INSYN2A: variants seen among roughly 807,000 people sequenced by gnomAD.
INSYN2A encodes inhibitory synaptic factor 2A.
Under a neutral mutation model 39.4 loss-of-function variants are expected in INSYN2A, and 17 were observed. The observed-to-expected ratio is 0.43, with a 90% CI of 0.30 to 0.65. The LOEUF (loss-of-function observed/expected upper bound fraction) is 0.65. Among genes scored for constraint, INSYN2A ranks in the 30% least tolerant of loss-of-function variants. INSYN2A has a pLI of 0.14. For missense variants in INSYN2A, 595 were observed against 631.2 expected (o/e 0.94, Z 0.61); for synonymous variants, 255 against 265.7 (o/e 0.96, Z 0.39).
At chr10:127,183,356 C>A (rs994271095) in intron 2 of INSYN2A, among the ~76,000 whole-genome samples, 2 of 152,138 alleles carry the variant, frequency 1.3e-5, no homozygotes, top group Non-Finnish European at 2.9e-5. Context: ...ACTCGACCAT[C>A]AGAATGGATC....
chr10:127,186,735 C>T (rs1192429100), intron 2 of INSYN2A, among the ~76,000 whole-genome samples: 1 of 152,018 alleles, frequency 6.6e-6, no homozygotes, highest in East Asian at 1.9e-4. Flanking sequence ...TTAGGAATCT[C>T]ATGCCACACT....
At chr10:127,179,990 G>A (rs1023269) in intron 2 of INSYN2A, among the ~76,000 whole-genome samples, 1 of 152,154 alleles carries the variant, frequency 6.6e-6, no homozygotes, top group Non-Finnish European at 1.5e-5. Context: ...ACACGATTTT[G>A]GGATTTTTTG....
chr10:127,164,112 C>G (rs189493855), intron 4 of INSYN2A, among the ~76,000 whole-genome samples: 296 of 146,640 alleles, frequency 2.0e-3, no homozygotes, highest in African/African-American at 6.8e-3. Flanking sequence ...CGGGCTCCCT[C>G]TCCTCTCTTT....
rs565534599 is a variant in INSYN2A at position 127,190,197 on chromosome 10, C to T, written c.-269+2408G>A. 3.3e-5 allele frequency among the ~76,000 whole-genome samples: 5 copies of T among 152,302 alleles called. No individual in the cohort carries two copies. The South Asian group carries it at 1.0e-3, about 32-fold the overall frequency. ...AACTTCTACCCAACTGAATTTTCAC[C>T]AAAGGAATCGCTGAGGTTGAGTTTG... On this transcript the variant is annotated intron_variant, in intron 2 of 5. Coordinates refer to ENST00000522781, the MANE Select transcript of INSYN2A (RefSeq NM_001039762.3).
intron 2 of INSYN2A, among the ~76,000 whole-genome samples, chr10:127,189,767 T>C (rs1014902986): frequency 1.3e-5 from 2 of 152,202 alleles, no homozygotes; most frequent in African/African-American, 4.8e-5. Context: ...ATCTAAGCTA[T>C]GGGAGTCTCA....
chr10:127,141,900 A>C (rs576792476), intron 5 of INSYN2A, among the ~76,000 whole-genome samples: 20 of 152,264 alleles, frequency 1.3e-4, no homozygotes, highest in African/African-American at 4.8e-4. Flanking sequence ...AAGATCCTGA[A>C]ACATTTTCTG....
intron 4 of INSYN2A, among the ~76,000 whole-genome samples, chr10:127,169,937 T>G (rs1045499011): frequency 5.9e-5 from 9 of 152,054 alleles, no homozygotes; most frequent in African/African-American, 2.2e-4. Context: ...CCTCTCTCCC[T>G]TGTCTTGAAC....
Position 127,175,148 on chromosome 10 carries a change from C to T in INSYN2A, c.1184+64G>A. 7.1e-7 allele frequency: 1 copy of T among 1,398,788 alleles called. No individual in the cohort carries two copies. Among genetic ancestry groups the T allele is most frequent in the South Asian group, 1.3e-5 (1 of 75,342 alleles). The allele number at this position is 1,398,788 out of a possible 1,614,324, so 86.6% of individuals were successfully genotyped here. A position where few individuals can be genotyped will look rare whatever the true frequency, so the allele number is the denominator to read the frequency against. ...TCTCATTACAGACTTGGGTTTGGGG[C>T]TACAGATGGACTCTGTGGTGATCAG... On this transcript the variant is annotated intron_variant, in intron 4 of 5. Coordinates refer to ENST00000522781, the MANE Select transcript of INSYN2A (RefSeq NM_001039762.3). The surrounding 1 kb of genome is among the most constrained non-coding windows in gnomAD (Gnocchi z 6.3).
At chr10:127,172,992 G>C (rs1383379841) in intron 4 of INSYN2A, among the ~76,000 whole-genome samples, 1 of 152,190 alleles carries the variant, frequency 6.6e-6, no homozygotes, top group African/African-American at 2.4e-5. Context: ...GCAGCTAGTG[G>C]CCACTGTATT....
intron 4 of INSYN2A, among the ~76,000 whole-genome samples, chr10:127,174,067 G>C (rs1344952543): frequency 6.6e-6 from 1 of 152,190 alleles, no homozygotes; most frequent in Non-Finnish European, 1.5e-5. Flanking sequence ...ATTCTTTGCA[G>C]TCAGCAAACT....
At chr10:127,152,037 A>G (rs1423967091) in intron 5 of INSYN2A, among the ~76,000 whole-genome samples, 1 of 151,408 alleles carries the variant, frequency 6.6e-6, no homozygotes, top group Non-Finnish European at 1.5e-5. Flanking sequence ...TTTTTCGATC[A>G]CCCACAGAAT....
chr10:127,161,513 T>A (rs920757447), intron 4 of INSYN2A, among the ~76,000 whole-genome samples: 2 of 152,194 alleles, frequency 1.3e-5, no homozygotes, highest in African/African-American at 4.8e-5. Flanking sequence ...TGGTAAAAAC[T>A]GAAGTTGCAA....
At chr10:127,163,152 T>A (rs1054897740) in intron 4 of INSYN2A, among the ~76,000 whole-genome samples, 1 of 152,200 alleles carries the variant, frequency 6.6e-6, no homozygotes, top group Non-Finnish European at 1.5e-5. Flanking sequence ...TTCTCTGTCC[T>A]ATGGGACTGG....
At chr10:127,186,569 T>TATGGAGA (rs2134035596) in intron 2 of INSYN2A, among the ~76,000 whole-genome samples, 1 of 133,196 alleles carries the variant, frequency 7.5e-6, no homozygotes, top group Admixed American at 8.3e-5. Context: ...ACATGGGGAT[T>TATGGAGA]ATGGAGATTA....
At chr10:127,195,405 C>A (rs546016054) in intron 1 of INSYN2A, among the ~76,000 whole-genome samples, 1 of 152,302 alleles carries the variant, frequency 6.6e-6, no homozygotes, top group East Asian at 1.9e-4. Context: ...CCCGCAGCCC[C>A]GGGAAGGTGC....
intron 5 of INSYN2A, among the ~76,000 whole-genome samples, chr10:127,139,809 C>T (rs2051049078): frequency 6.6e-6 from 1 of 152,152 alleles, no homozygotes; most frequent in Non-Finnish European, 1.5e-5. Context: ...GACAATCTCT[C>T]CCCACTGAAA....
intron 2 of INSYN2A, among the ~76,000 whole-genome samples, chr10:127,178,230 G>A (rs1288418880): frequency 6.6e-6 from 1 of 152,234 alleles, no homozygotes; most frequent in Non-Finnish European, 1.5e-5. Context: ...ATGAAAGAGT[G>A]AAGGAATCAA....
intron 4 of INSYN2A, among the ~76,000 whole-genome samples, chr10:127,168,890 C>T (rs539686512): frequency 1.9e-4 from 29 of 152,284 alleles, no homozygotes; most frequent in Admixed American, 7.2e-4. Context: ...CTTATGCTTC[C>T]TCTGTAATTG....
At chr10:127,144,291 A>G (rs2051573257) in intron 5 of INSYN2A, among the ~76,000 whole-genome samples, 1 of 152,060 alleles carries the variant, frequency 6.6e-6, no homozygotes, top group African/African-American at 2.4e-5. Flanking sequence ...TAGAATAACA[A>G]AGTCCACCCT....
Sources: allele counts gnomAD v4.1 joint callset (sites outside exome capture counted in the v4.1 genomes callset), GRCh38; gene constraint gnomAD v4.1.1; non-coding constraint Gnocchi (gnomAD v3.1); transcripts MANE v1.5; gene names NCBI Gene and HGNC (gene_info 2026-07-23, HGNC 2026-07-21).